CAMKMT: variants seen among roughly 807,000 people sequenced by gnomAD.
The protein encoded by CAMKMT is CaM KMT.
A neutral mutation model predicts 48.0 loss-of-function variants in CAMKMT; 53 were observed. That is an observed-to-expected ratio of 1.10 (90% CI 0.89 to 1.39). The LOEUF (loss-of-function observed/expected upper bound fraction) is 1.39, where lower values mean the gene tolerates loss of function less well. Ranked by LOEUF, CAMKMT falls within the 40% of genes most tolerant of loss-of-function variation. The pLI is 0.00. For missense variants in CAMKMT, 428 were observed against 402.7 expected (o/e 1.06, Z -0.54); for synonymous variants, 165 against 152.3 (o/e 1.08, Z -0.61).
intron 3 of CAMKMT, among the ~76,000 whole-genome samples, chr2:44,512,526 T>G (rs1046954388): frequency 1.3e-5 from 2 of 152,202 alleles, no homozygotes; most frequent in Non-Finnish European, 2.9e-5. Context: ...GTACCTAAAT[T>G]TAAAGAACAG....
intron 2 of CAMKMT, among the ~76,000 whole-genome samples, chr2:44,374,310 C>G (rs188201215): frequency 5.2e-4 from 79 of 152,216 alleles, no homozygotes; most frequent in African/African-American, 1.8e-3. Context: ...TATGCTTACT[C>G]TGTGTCAGGT....
At chr2:44,635,870 C>T (rs899998074) in intron 3 of CAMKMT, among the ~76,000 whole-genome samples, 8 of 152,140 alleles carry the variant, frequency 5.3e-5, no homozygotes, top group African/African-American at 1.7e-4. Context: ...GTTGGTATTC[C>T]CTGCAGTGAA....
chr2:44,363,317 A>G (rs1295552655), intron 1 of CAMKMT, among the ~76,000 whole-genome samples: 1 of 152,100 alleles, frequency 6.6e-6, no homozygotes, highest in Non-Finnish European at 1.5e-5. Context: ...ATTTTTTTTA[A>G]TAGTGACCAC....
intron 3 of CAMKMT, among the ~76,000 whole-genome samples, chr2:44,493,016 C>T (rs1274334309): frequency 3.3e-5 from 5 of 151,832 alleles, no homozygotes; most frequent in African/African-American, 7.3e-5. Flanking sequence ...GCCTCAGCCT[C>T]CTGAGTAGCT....
At chr2:44,416,801 C>T (rs969982461) in intron 3 of CAMKMT, among the ~76,000 whole-genome samples, 7 of 151,952 alleles carry the variant, frequency 4.6e-5, no homozygotes, top group African/African-American at 1.7e-4. Context: ...TCTCTAACTC[C>T]TAACCTCAGG....
intron 3 of CAMKMT, among the ~76,000 whole-genome samples, chr2:44,437,673 C>T (rs372404718): frequency 6.6e-6 from 1 of 151,996 alleles, no homozygotes; most frequent in African/African-American, 2.4e-5. Flanking sequence ...CATGGTGAAA[C>T]CCCCGTCTCT....
intron 3 of CAMKMT, among the ~76,000 whole-genome samples, chr2:44,510,832 A>C (rs767215649): frequency 2.6e-5 from 4 of 151,752 alleles, no homozygotes; most frequent in Non-Finnish European, 4.4e-5. Context: ...CGAGTCCCCA[A>C]AGTCCATTAT....
intron 3 of CAMKMT, among the ~76,000 whole-genome samples, chr2:44,501,276 C>T (rs1347235398): frequency 6.6e-6 from 1 of 151,892 alleles, no homozygotes; most frequent in Non-Finnish European, 1.5e-5. Flanking sequence ...TTATTTATAA[C>T]CACGTGTGGT....
chr2:44,555,030 A>G (rs1385186502), intron 3 of CAMKMT, among the ~76,000 whole-genome samples: 1 of 152,178 alleles, frequency 6.6e-6, no homozygotes, highest in Non-Finnish European at 1.5e-5. Context: ...AACTGCATAT[A>G]TGGAAGGCCT....
chr2:44,413,374 C>A (rs1683339403), intron 3 of CAMKMT, among the ~76,000 whole-genome samples: 1 of 151,938 alleles, frequency 6.6e-6, no homozygotes. Context: ...AATTAAGAGG[C>A]CAGGCATGGT....
intron 3 of CAMKMT, among the ~76,000 whole-genome samples, chr2:44,533,870 G>A (rs1344972894): frequency 6.6e-6 from 1 of 152,102 alleles, no homozygotes; most frequent in Non-Finnish European, 1.5e-5. Context: ...CAGTATAACA[G>A]GAGCATATCA....
At chr2:44,586,641 A>G (rs954480373) in intron 3 of CAMKMT, among the ~76,000 whole-genome samples, 20 of 152,140 alleles carry the variant, frequency 1.3e-4, no homozygotes, top group Admixed American at 3.3e-4. Flanking sequence ...TGAGTCTTCC[A>G]TTCCTTTTTT....
intron 3 of CAMKMT, among the ~76,000 whole-genome samples, chr2:44,484,921 G>A (rs1249309386): frequency 1.3e-5 from 2 of 151,968 alleles, no homozygotes; most frequent in Non-Finnish European, 2.9e-5. Flanking sequence ...ACATGAACAG[G>A]CACTTCACGA....
At chr2:44,455,186 G>A (rs1667494876) in intron 3 of CAMKMT, among the ~76,000 whole-genome samples, 1 of 152,178 alleles carries the variant, frequency 6.6e-6, no homozygotes, top group Admixed American at 6.5e-5. Context: ...TTATTTGTGA[G>A]GAGGAAACTG....
At chr2:44,510,806 T>A (rs1670504958) in intron 3 of CAMKMT, among the ~76,000 whole-genome samples, 1 of 152,080 alleles carries the variant, frequency 6.6e-6, no homozygotes, top group Non-Finnish European at 1.5e-5. Context: ...CTCACCTCCC[T>A]GTCAACCTTC....
chr2:44,363,800 C>T (rs1416997618), intron 1 of CAMKMT, among the ~76,000 whole-genome samples: 1 of 151,548 alleles, frequency 6.6e-6, no homozygotes, highest in African/African-American at 2.4e-5. Context: ...AGCAATTCTC[C>T]CGTACTCAGC....
In CAMKMT at chr2:44,471,169, T is replaced by G. The variant is rs867889887; in HGVS notation, c.376+80864T>G. 2.6e-5 allele frequency among the ~76,000 whole-genome samples: 4 copies of G among 151,992 alleles called. No homozygotes were observed. In the South Asian group the frequency reaches 8.3e-4, roughly 32 times the overall value. On this transcript the variant is annotated intron_variant, in intron 3 of 10. Coordinates refer to ENST00000378494, the MANE Select transcript of CAMKMT (RefSeq NM_024766.5). ...GCCATCACACCTAAGTTTTGTATTT[T>G]TAGTAGAGACGGGGTTTCACCATGT...
In CAMKMT at chr2:44,590,082, C is replaced by A. The variant is rs527336787; in HGVS notation, c.377-114201C>A. ...TCCACATGGACGGTCATGTTGTCTG[C>A]TAATATTGACATTCCTTTCCCATCT... On this transcript the variant is annotated intron_variant, in intron 3 of 10. Transcript: ENST00000378494. Among the ~76,000 whole-genome samples, 7 of 151,450 alleles carry A rather than the reference C, an allele frequency of 4.6e-5. No homozygotes were observed. In the East Asian group the frequency reaches 1.4e-3, roughly 29 times the overall value.
chr2:44,619,459 G>A (rs1048651521), intron 3 of CAMKMT, among the ~76,000 whole-genome samples: 1 of 104,752 alleles, frequency 9.5e-6, no homozygotes, highest in Non-Finnish European at 2.3e-5. Flanking sequence ...AGCTGATTAT[G>A]TGTGTATATA....
Sources: gnomAD v4.1 joint callset for allele counts (sites outside exome capture counted in the v4.1 genomes callset) on GRCh38, gnomAD v4.1.1 for gene constraint, MANE v1.5 for transcripts, NCBI Gene and HGNC (gene_info 2026-07-23, HGNC 2026-07-21) for gene names.